The following PTPRN2 variants were observed in gnomAD, a reference collection of about 807,000 sequenced individuals.
PTPRN2 encodes protein tyrosine phosphatase receptor type N2.
In PTPRN2, 74 loss-of-function variants were observed where a neutral mutation model predicts 118.8. That is an observed-to-expected ratio of 0.62 (90% CI 0.52 to 0.76). The LOEUF (loss-of-function observed/expected upper bound fraction) is 0.76, where lower values mean the gene tolerates loss of function less well. Ranked by LOEUF, PTPRN2 falls within the 30% of genes least tolerant of loss-of-function variation. The pLI, the probability that PTPRN2 is intolerant of heterozygous loss-of-function variation, is 0.00. For synonymous variants in PTPRN2, 641 were observed against 608.0 expected (o/e 1.05, Z -0.80); for missense variants, 1,481 against 1,394.4 (o/e 1.06, Z -0.99).
chr7:157,721,766 G>T (rs1399629533), intron 12 of PTPRN2, among the ~76,000 whole-genome samples: 1 of 152,182 alleles, frequency 6.6e-6, no homozygotes, highest in African/African-American at 2.4e-5. Flanking sequence ...CCGGGTTTCT[G>T]CCTAGGGCTC....
chr7:158,229,422 A>G (rs1260110485), intron 3 of PTPRN2, among the ~76,000 whole-genome samples: 1 of 152,126 alleles, frequency 6.6e-6, no homozygotes, highest in Non-Finnish European at 1.5e-5. Flanking sequence ...ATTGGCCCTA[A>G]TAAGATGGCA....
chr7:158,280,858 C>T (rs1321172304), intron 3 of PTPRN2, among the ~76,000 whole-genome samples: 1 of 152,216 alleles, frequency 6.6e-6, no homozygotes, highest in Non-Finnish European at 1.5e-5. Context: ...GGGGAGGCCT[C>T]ACGGCAGCTG....
At chr7:158,103,752 G>T (rs1365012458) in intron 10 of PTPRN2, among the ~76,000 whole-genome samples, 1 of 152,186 alleles carries the variant, frequency 6.6e-6, no homozygotes, top group Admixed American at 6.5e-5. Flanking sequence ...AATGGTGTCG[G>T]GGGCCACAGC....
At chr7:158,444,201 G>C (rs1040718643) in intron 2 of PTPRN2, among the ~76,000 whole-genome samples, 2 of 152,268 alleles carry the variant, frequency 1.3e-5, no homozygotes, top group Non-Finnish European at 2.9e-5. Flanking sequence ...GCTCCAGCAA[G>C]AGCGGAATGT....
intron 3 of PTPRN2, among the ~76,000 whole-genome samples, chr7:158,306,848 G>GTTTTTTGTTTTTTTT (rs1479720046): frequency 1.8e-5 from 2 of 113,528 alleles, no homozygotes; most frequent in Non-Finnish European, 1.8e-5. Context: ...TAAATGAGCT[G>GTTTTTTGTTTTTTTT]TTTTTTGTTT....
intron 2 of PTPRN2, among the ~76,000 whole-genome samples, chr7:158,336,666 A>T (rs1171164836): frequency 6.2e-5 from 9 of 144,044 alleles, no homozygotes; most frequent in Admixed American, 1.4e-4. Context: ...TCACACCCAC[A>T]CTCTCACCAT....
chr7:157,898,832 T>C (rs111368464), intron 11 of PTPRN2, 95 bp from the exon 12 acceptor site: 15 of 1,076,744 alleles, frequency 1.4e-5, no homozygotes, highest in Non-Finnish European at 2.2e-5. Flanking sequence ...AAATTTCAAT[T>C]ACATGACTGC....
chr7:157,570,780 G>A (rs186619034), intron 20 of PTPRN2, among the ~76,000 whole-genome samples: 1 of 152,108 alleles, frequency 6.6e-6, no homozygotes, highest in Non-Finnish European at 1.5e-5. Context: ...ATCTGCAGAG[G>A]GTTCTGAGCC....
chr7:158,146,095 C>T (rs558891059), intron 6 of PTPRN2, among the ~76,000 whole-genome samples: 3 of 152,176 alleles, frequency 2.0e-5, no homozygotes, highest in South Asian at 4.2e-4. Context: ...AAAACAAATA[C>T]TTGGTTCTCC....
intron 22 of PTPRN2, 46 bp downstream of exon 22, chr7:157,548,900 A>G (rs745608806): frequency 3.2e-6 from 5 of 1,561,716 alleles, no homozygotes; most frequent in Non-Finnish European, 4.4e-6. Context: ...GGCCGCAGAG[A>G]GGCACCTTGA....
chr7:158,062,775 C>T (rs1810451437), intron 11 of PTPRN2, among the ~76,000 whole-genome samples: 1 of 152,232 alleles, frequency 6.6e-6, no homozygotes, highest in South Asian at 2.1e-4. Context: ...CAGCACTGCG[C>T]TCAAATTCTT....
At chr7:158,162,605 C>G (rs185969700) in intron 6 of PTPRN2, among the ~76,000 whole-genome samples, 1 of 152,084 alleles carries the variant, frequency 6.6e-6, no homozygotes, top group South Asian at 2.1e-4. Context: ...AAACTGGAGA[C>G]GCTGAACTAG....
intron 15 of PTPRN2, among the ~76,000 whole-genome samples, chr7:157,606,118 C>A (rs977109326): frequency 1.3e-5 from 2 of 152,240 alleles, no homozygotes; most frequent in Non-Finnish European, 2.9e-5. Context: ...TGGCAGGGGG[C>A]TGGTGTGTCA....
At chr7:158,262,589 T>A (rs1234173898) in intron 3 of PTPRN2, among the ~76,000 whole-genome samples, 1 of 109,014 alleles carries the variant, frequency 9.2e-6, no homozygotes, top group African/African-American at 4.0e-5. Flanking sequence ...AGCACACACA[T>A]TCACACACAT....
chr7:157,968,555 G>A (rs1260676468), intron 11 of PTPRN2, among the ~76,000 whole-genome samples: 1 of 152,202 alleles, frequency 6.6e-6, no homozygotes, highest in Admixed American at 6.5e-5. Context: ...AACAAGGCTC[G>A]AACGCTGGAG....
In PTPRN2 at chr7:157,794,704, C is replaced by T. The variant is rs370657904; in HGVS notation, c.1788+103969G>A. Among the ~76,000 whole-genome samples, 141 of 152,322 alleles carry T rather than the reference C, an allele frequency of 9.3e-4. 4 individuals carry two copies. In the South Asian group the frequency reaches 0.029, roughly 31 times the overall value. ...CTTACTGCAAAGCAGCTCAAGGAGC[C>T]TGAAGACACCCAGCCTGAAACCACG... On this transcript the variant is annotated intron_variant, in intron 12 of 22. Transcript: ENST00000389418. The surrounding 1 kb of genome is among the most constrained non-coding windows in gnomAD (Gnocchi z 5.2).
At chr7:157,722,873 G>A (rs566444421) in intron 12 of PTPRN2, among the ~76,000 whole-genome samples, 5 of 152,230 alleles carry the variant, frequency 3.3e-5, no homozygotes, top group Non-Finnish European at 7.4e-5. Context: ...ATGCTTGGTG[G>A]TGGGGCCAGG....
chr7:157,842,767 T>C (rs1176902327), intron 12 of PTPRN2, among the ~76,000 whole-genome samples: 1 of 152,104 alleles, frequency 6.6e-6, no homozygotes, highest in Non-Finnish European at 1.5e-5. Context: ...AGCCCTTTGA[T>C]TTCAGATCAG....
intron 3 of PTPRN2, among the ~76,000 whole-genome samples, chr7:158,278,767 G>A (rs1052651011): frequency 1.3e-5 from 2 of 152,208 alleles, no homozygotes; most frequent in Non-Finnish European, 2.9e-5. Context: ...CTGACTTCAG[G>A]AGTGAAGCTG....
Sources: allele counts gnomAD v4.1 joint callset (sites outside exome capture counted in the v4.1 genomes callset), GRCh38; gene constraint gnomAD v4.1.1; non-coding constraint Gnocchi (gnomAD v3.1); transcripts MANE v1.5; gene names NCBI Gene and HGNC (gene_info 2026-07-23, HGNC 2026-07-21).